The following CDIN1 variants were observed in gnomAD, a reference collection of about 807,000 sequenced individuals.
CDIN1 encodes CDAN1 interacting nuclease 1, also known as CDAN1-interacting nuclease 1.
A neutral mutation model predicts 45.3 loss-of-function variants in CDIN1; 33 were observed. That is an observed-to-expected ratio of 0.73 (90% CI 0.55 to 0.97). The LOEUF (loss-of-function observed/expected upper bound fraction) is 0.97, where lower values mean the gene tolerates loss of function less well. Ranked by LOEUF, CDIN1 falls within the 50% of genes least tolerant of loss-of-function variation. The pLI, the probability that CDIN1 is intolerant of heterozygous loss-of-function variation, is 0.00. For synonymous variants in CDIN1, 118 were observed against 124.4 expected, an observed-to-expected ratio of 0.95 and a Z score of 0.34; for missense variants, 303 against 339.4, an observed-to-expected ratio of 0.89 and a Z score of 0.84.
intron 8 of CDIN1, among the ~76,000 whole-genome samples, chr15:36,703,031 C>A (rs985065090): frequency 2.0e-5 from 3 of 149,756 alleles, no homozygotes; most frequent in African/African-American, 7.4e-5. Context: ...CAAGACTCCC[C>A]GCCACTCCCC....
intron 10 of CDIN1, among the ~76,000 whole-genome samples, chr15:36,756,541 T>C (rs1319560500): frequency 2.6e-5 from 4 of 152,180 alleles, no homozygotes; most frequent in Non-Finnish European, 5.9e-5. Flanking sequence ...TGAAAGTAGA[T>C]AGTACAATTT....
intron 10 of CDIN1, among the ~76,000 whole-genome samples, chr15:36,754,007 G>C (rs2053542435): frequency 6.6e-6 from 1 of 152,054 alleles, no homozygotes; most frequent in Non-Finnish European, 1.5e-5. Context: ...CTCAAGTTTG[G>C]GTTCAAAACG....
intron 5 of CDIN1, among the ~76,000 whole-genome samples, chr15:36,686,535 T>C (rs924436129): frequency 1.4e-5 from 2 of 146,276 alleles, no homozygotes; most frequent in Non-Finnish European, 3.0e-5. Flanking sequence ...AATGTGCACA[T>C]GTACCCTAAA....
chr15:36,786,801 T>A (rs775364936), intron 10 of CDIN1, among the ~76,000 whole-genome samples: 2 of 152,182 alleles, frequency 1.3e-5, no homozygotes, highest in African/African-American at 2.4e-5. Context: ...TAGTACCTCC[T>A]AGTTGTCAGA....
In CDIN1 at chr15:36,692,138, G is replaced by A. The variant is rs371227376; in HGVS notation, c.439G>A (p.Asp147Asn). 60 of 1,613,610 alleles carry A rather than the reference G, an allele frequency of 3.7e-5. No homozygotes were observed. Among genetic ancestry groups the A allele is most frequent in the Non-Finnish European group, 4.7e-5 (55 of 1,179,836 alleles). The change falls in exon 7 of 11, where the codon GAC (aspartate) becomes AAC (asparagine). Residue 147 changes from aspartate (D) to asparagine (N), a missense_variant. By Grantham distance (23) the Asp-to-Asn change is conservative. Coordinates refer to ENST00000566621, the MANE Select transcript of CDIN1 (RefSeq NM_001321759.2). ...TATTTGTCTGCAGTGCATTGTGAAC[G>A]ACTGCTGTTACGGACCACTAGTGGA... ...ANQVYQCIVN[D>N]CCYGPLVDCI...
chr15:36,799,104 A>G (rs1361706464), intron 10 of CDIN1: 1 of 152,234 alleles, frequency 6.6e-6, no homozygotes, highest in Non-Finnish European at 1.5e-5. Context: ...AACATGTAAT[A>G]ATTCACACGA....
intron 10 of CDIN1, among the ~76,000 whole-genome samples, chr15:36,798,370 A>C (rs1453452798): frequency 6.6e-6 from 1 of 152,152 alleles, no homozygotes; most frequent in Non-Finnish European, 1.5e-5. Context: ...TGCCTTCATG[A>C]ATCTGCAAAA....
chr15:36,757,116 A>G (rs1267853253), intron 10 of CDIN1, among the ~76,000 whole-genome samples: 1 of 152,212 alleles, frequency 6.6e-6, no homozygotes, highest in African/African-American at 2.4e-5. Context: ...CAGTTACTTC[A>G]TAATGGCTGT....
intron 1 of CDIN1, among the ~76,000 whole-genome samples, chr15:36,629,263 T>C (rs2039581248): frequency 2.6e-5 from 4 of 152,244 alleles, no homozygotes; most frequent in Non-Finnish European, 5.9e-5. Context: ...TTAGTAAATT[T>C]TTATTTTTAA....
At chr15:36,784,650 G>T (rs991004518) in intron 10 of CDIN1, among the ~76,000 whole-genome samples, 5 of 151,916 alleles carry the variant, frequency 3.3e-5, no homozygotes, top group African/African-American at 7.3e-5. Flanking sequence ...TTTTTTTATT[G>T]TTGGAATTTA....
chr15:36,598,994 A>G (rs1444190958), intron 1 of CDIN1, among the ~76,000 whole-genome samples: 1 of 152,056 alleles, frequency 6.6e-6, no homozygotes, highest in Non-Finnish European at 1.5e-5. Context: ...TGTATTGCCT[A>G]GCATTGTAGT....
intron 5 of CDIN1, among the ~76,000 whole-genome samples, chr15:36,685,333 A>T (rs1187565516): frequency 6.6e-6 from 1 of 151,644 alleles, no homozygotes; most frequent in Non-Finnish European, 1.5e-5. Context: ...TCATTTCGTT[A>T]TGTACCCAGT....
Position 36,691,694 on chromosome 15 carries a change from C to A in CDIN1, c.356C>A (p.Ser119Tyr). The A allele has an allele frequency of 6.3e-7, 1 of 1,596,486 alleles. No homozygotes were observed. Among genetic ancestry groups the A allele is most frequent in the Non-Finnish European group, 8.6e-7 (1 of 1,169,310 alleles). ...CTCTTTTCTTCTACAGCCTCCAAGT[C>A]TATTATAAATAGTATGCTACGGGAC... ...QEHEETPPSK[S>Y]IINSMLRDPS... Residue 119 changes from serine (S) to tyrosine (Y), a missense_variant, in exon 6 of 11, where the codon TCT becomes TAT. Coordinates refer to ENST00000566621, the MANE Select transcript of CDIN1 (RefSeq NM_001321759.2).
At chr15:36,807,891 T>C (rs2055281368) in intron 10 of CDIN1, among the ~76,000 whole-genome samples, 1 of 152,154 alleles carries the variant, frequency 6.6e-6, no homozygotes, top group Non-Finnish European at 1.5e-5. Flanking sequence ...TTTCAAACAT[T>C]CTTTTATTTT....
At chr15:36,685,485 G>T (rs1309616456) in intron 5 of CDIN1, among the ~76,000 whole-genome samples, 1 of 151,994 alleles carries the variant, frequency 6.6e-6, no homozygotes, top group Non-Finnish European at 1.5e-5. Context: ...TTGCTGAGGA[G>T]AGCTTTACTT....
At chr15:36,796,731 C>T (rs1471969137) in intron 10 of CDIN1, among the ~76,000 whole-genome samples, 4 of 152,254 alleles carry the variant, frequency 2.6e-5, no homozygotes, top group African/African-American at 9.6e-5. Context: ...GCCTTTTTAA[C>T]TCCCTAAACA....
intron 1 of CDIN1, among the ~76,000 whole-genome samples, chr15:36,623,601 G>C (rs1337292650): frequency 6.6e-6 from 1 of 152,206 alleles, no homozygotes; most frequent in African/African-American, 2.4e-5. Context: ...TCAGTACCCT[G>C]AACAGGGTCC....
chr15:36,701,114 ATAGG>A (rs56409880), intron 8 of CDIN1, among the ~76,000 whole-genome samples: 27,678 of 117,626 alleles, frequency 0.24, 2,801 homozygotes, highest in East Asian at 0.26. Context: ...AGATAGATAG[ATAGG>A]TAGGTAGATA....
At chr15:36,604,772 A>G (rs1282339126) in intron 1 of CDIN1, among the ~76,000 whole-genome samples, 2 of 152,204 alleles carry the variant, frequency 1.3e-5, no homozygotes, top group Non-Finnish European at 2.9e-5. Flanking sequence ...GATATTTAAC[A>G]TATTGTGGTG....
Sources: allele counts gnomAD v4.1 joint callset (sites outside exome capture counted in the v4.1 genomes callset), GRCh38; gene constraint gnomAD v4.1.1; transcripts MANE v1.5; gene names NCBI Gene and HGNC (gene_info 2026-07-23, HGNC 2026-07-21).